QTMAN: variants seen among roughly 807,000 people sequenced by gnomAD.
QTMAN encodes tRNA-queuosine alpha-mannosyltransferase.
the QTMAN span, among the ~76,000 whole-genome samples, chr2:144,221,221 A>G: frequency 6.6e-6 from 1 of 152,326 alleles, no homozygotes; most frequent in East Asian, 1.9e-4. Context: ...TTTCATCATA[A>G]TACAAAAAGC....
At chr2:144,188,191 A>G in the QTMAN span, among the ~76,000 whole-genome samples, 1 of 152,248 alleles carries the variant, frequency 6.6e-6, no homozygotes, top group Admixed American at 6.5e-5. Flanking sequence ...CAGTGCAAGA[A>G]GAGATAGCCA....
At chr2:144,003,947 A>G in the QTMAN span, among the ~76,000 whole-genome samples, 2 of 151,946 alleles carry the variant, frequency 1.3e-5, no homozygotes, top group African/African-American at 4.8e-5. Context: ...TCATGGGCAT[A>G]TTTTTTTATG....
At chr2:144,284,901 C>T in the QTMAN span, among the ~76,000 whole-genome samples, 1 of 150,854 alleles carries the variant, frequency 6.6e-6, no homozygotes, top group Non-Finnish European at 1.5e-5. Context: ...CAGAGGCTCA[C>T]ACCTATAATC....
the QTMAN span, among the ~76,000 whole-genome samples, chr2:144,325,907 T>TC: frequency 1.3e-5 from 2 of 152,236 alleles, no homozygotes; most frequent in Non-Finnish European, 2.9e-5. Flanking sequence ...ATTTGGGTGT[T>TC]CAATACATGA....
chr2:144,216,503 G>A, the QTMAN span, among the ~76,000 whole-genome samples: 1 of 152,178 alleles, frequency 6.6e-6, no homozygotes, highest in Non-Finnish European at 1.5e-5. Context: ...AGCAACAAGT[G>A]TCAGACAGCA....
chr2:144,261,326 A>G, the QTMAN span, among the ~76,000 whole-genome samples: 1 of 152,140 alleles, frequency 6.6e-6, no homozygotes, highest in African/African-American at 2.4e-5. Flanking sequence ...AACATTCTAA[A>G]TTTCGGGGAG....
chr2:144,202,567 T>C, the QTMAN span, among the ~76,000 whole-genome samples: 1 of 152,236 alleles, frequency 6.6e-6, no homozygotes, highest in Non-Finnish European at 1.5e-5. Context: ...ATGCTCCTTA[T>C]TCTATAGTCA....
At chr2:144,125,939 G>C in the QTMAN span, among the ~76,000 whole-genome samples, 1 of 151,960 alleles carries the variant, frequency 6.6e-6, no homozygotes, top group East Asian at 1.9e-4. Context: ...AAGAAAAACA[G>C]TGAAGAGAAA....
chr2:144,294,861 A>G, the QTMAN span, among the ~76,000 whole-genome samples: 1 of 152,162 alleles, frequency 6.6e-6, no homozygotes, highest in East Asian at 1.9e-4. Flanking sequence ...GAAGAAAGGG[A>G]GGACCCTGCC....
chr2:144,067,548 T>C, the QTMAN span, among the ~76,000 whole-genome samples: 4 of 152,050 alleles, frequency 2.6e-5, no homozygotes, highest in South Asian at 8.3e-4. Context: ...TGTTTGGAGG[T>C]GACTAGTAGA....
chr2:144,157,422 G>GGCTT, the QTMAN span, among the ~76,000 whole-genome samples: 1 of 151,994 alleles, frequency 6.6e-6, no homozygotes, highest in Non-Finnish European at 1.5e-5. Flanking sequence ...ATGGAATGGA[G>GGCTT]GCTTCCCTTC....
the QTMAN span, among the ~76,000 whole-genome samples, chr2:144,157,635 G>A: frequency 6.6e-6 from 1 of 152,102 alleles, no homozygotes; most frequent in East Asian, 1.9e-4. Context: ...AATTATTTTT[G>A]TGTTGAAGGC....
chr2:143,972,887 TA>T, the QTMAN span, among the ~76,000 whole-genome samples: 1 of 152,218 alleles, frequency 6.6e-6, no homozygotes, highest in African/African-American at 2.4e-5. Flanking sequence ...AAGTACTGTT[TA>T]GGGAACATAG....
the QTMAN span, among the ~76,000 whole-genome samples, chr2:144,305,430 G>A: frequency 5.9e-5 from 9 of 152,018 alleles, no homozygotes; most frequent in African/African-American, 2.2e-4. Flanking sequence ...GTTTAATTCT[G>A]GGCTTTCAAT....
chr2:144,116,581 T>C, the QTMAN span, among the ~76,000 whole-genome samples: 1 of 152,192 alleles, frequency 6.6e-6, no homozygotes, highest in East Asian at 1.9e-4. Flanking sequence ...ATACCCTATG[T>C]CTATGAAGTG....
At chr2:143,984,281 C>A in the QTMAN span, among the ~76,000 whole-genome samples, 1 of 152,110 alleles carries the variant, frequency 6.6e-6, no homozygotes, top group African/African-American at 2.4e-5. Flanking sequence ...ACTAAGATAT[C>A]AAAAACCCTA....
the QTMAN span, among the ~76,000 whole-genome samples, chr2:144,297,673 C>T: frequency 2.7e-4 from 40 of 150,916 alleles, no homozygotes; most frequent in Non-Finnish European, 4.7e-4. Flanking sequence ...CTCCACCTCC[C>T]GGGTTCAAAC....
chr2:144,104,519 C>A, the QTMAN span, among the ~76,000 whole-genome samples: 2 of 152,008 alleles, frequency 1.3e-5, no homozygotes, highest in African/African-American at 4.8e-5. Flanking sequence ...GCTAGCACAG[C>A]AGTCTGAGAT....
At chr2:144,036,886 A>C in the QTMAN span, among the ~76,000 whole-genome samples, 1 of 152,226 alleles carries the variant, frequency 6.6e-6, no homozygotes. Flanking sequence ...GTCCCTTCAT[A>C]GATAAATGAA....
Sources: gnomAD v4.1 joint callset for allele counts (sites outside exome capture counted in the v4.1 genomes callset) on GRCh38, gnomAD v4.1.1 for gene constraint, MANE v1.5 for transcripts, NCBI Gene and HGNC (gene_info 2026-07-23, HGNC 2026-07-21) for gene names.